GRIN2C: variants seen among roughly 807,000 people sequenced by gnomAD.
GRIN2C encodes the protein glutamate ionotropic receptor NMDA type subunit 2C, also known as glutamate receptor ionotropic, NMDA 2C.
In GRIN2C, 64 loss-of-function variants were observed where a neutral mutation model predicts 77.7. The ratio of observed to expected loss-of-function variants is 0.82; its 90% CI spans 0.67 to 1.01. The LOEUF (loss-of-function observed/expected upper bound fraction) is 1.01. Ranked by LOEUF, GRIN2C falls within the 50% of genes least tolerant of loss-of-function variation. The pLI is 0.00. For missense variants in GRIN2C, 1,549 were observed against 1,486.0 expected (o/e 1.04, Z -0.70); for synonymous variants, 792 against 643.4 (o/e 1.23, Z -3.49).
chr17:74,844,547 C>G (rs755661188), intron 11 of GRIN2C, 39 bp from the exon 12 acceptor site: 1 of 1,596,464 alleles, frequency 6.3e-7, no homozygotes, highest in East Asian at 2.2e-5. Flanking sequence ...TCAGGAAACC[C>G]CCCTATAAGC....
At chr17:74,854,534 A>G (rs1237592018) in intron 2 of GRIN2C, 160 bp downstream of exon 2, 19 of 610,062 alleles carry the variant, frequency 3.1e-5, no homozygotes, top group Non-Finnish European at 8.7e-6. Context: ...AGAACATGGG[A>G]TGTCATTCCC....
In GRIN2C at chr17:74,842,394, G is replaced by A; in HGVS notation, c.*41C>T. On this transcript the variant is annotated 3_prime_UTR_variant, in exon 13 of 13. Transcript: ENST00000293190. ...TGCCGCTTAACCCTGACAGTGGCAG[G>A]CAGAGAATCCAGCTGGCTCGGAGCC... 1 of 745,876 alleles carries A rather than the reference G, an allele frequency of 1.3e-6. No homozygotes were observed. The allele number at this position is 745,876 out of a possible 1,614,324, so 46.2% of individuals were successfully genotyped here. A position where few individuals can be genotyped will look rare whatever the true frequency, so the allele number is the denominator to read the frequency against.
At position 74,842,271 on chromosome 17, in the gene GRIN2C, G is replaced by A. The variant is rs879258210; in HGVS notation, c.*164C>T. 1.2e-5 allele frequency: 7 copies of A among 571,412 alleles called. No homozygotes were observed. In the Admixed American group the frequency reaches 2.3e-4, roughly 19 times the overall value. The allele number at this position is 571,412 out of a possible 1,614,324, so 35.4% of individuals were successfully genotyped here. On this transcript the variant is annotated 3_prime_UTR_variant, in exon 13 of 13. Coordinates refer to ENST00000293190, the MANE Select transcript of GRIN2C (RefSeq NM_000835.6). ...AAGCCCAGCCCTCACCATGATTTGA[G>A]GCTACTGAGGTCACTGATGACCATG... is the stretch of plus-strand genomic sequence containing the variant.
upstream of GRIN2C, chr17:74,860,420 G>A (rs1008556558): frequency 2.2e-6 from 1 of 456,618 alleles, no homozygotes; most frequent in African/African-American, 2.0e-5. Flanking sequence ...TGGGCATCAG[G>A]GCCTGGCGGG....
Position 74,850,647 on chromosome 17 carries a change from G to A in GRIN2C, c.1234C>T (p.Pro412Ser). The A allele has an allele frequency of 6.2e-7, 1 of 1,613,668 alleles. No homozygotes were observed. The highest frequency in any genetic ancestry group is 2.2e-5 in the East Asian group (1 of 44,878). ...TCAGGGCTCTCCACGATGACAAAGGGCCGCTCTTCCAGCGTGGCCACCGTC... is the reference window on the plus strand; with the variant it reads ...TCAGGGCTCTCCACGATGACAAAGGACCGCTCTTCCAGCGTGGCCACCGTC... ...HLTVATLEER[P>S]FVIVESPDPG... Residue 412 changes from proline (P) to serine (S), a missense_variant, in exon 5 of 13, where the codon CCC becomes TCC. By Grantham distance (74) the Pro-to-Ser change is moderately conservative. Around this residue, in one of 3 missense-constraint regions of GRIN2C, gnomAD observed 717 missense variants for 858.1 expected, o/e 0.84. Transcript: ENST00000293190. The surrounding 1 kb of genome is among the most constrained non-coding windows in gnomAD (Gnocchi z 5.3).
chr17:74,852,757 C>T, intron 2 of GRIN2C, 146 bp from the exon 3 acceptor site: 1 of 474,242 alleles, frequency 2.1e-6, no homozygotes, highest in South Asian at 4.1e-5. Flanking sequence ...CTGCGCCTCC[C>T]TCCCGCCCCA....
rs1019184604 is a variant in GRIN2C, at chr17:74,849,109, G to A, written c.1645+671C>T. ...CAATCCTGCCATGAGCACTTGCTATGCTATGAAGTGGTTTTTTTTTTCCTC... is the reference window on the plus strand; with the variant it reads ...CAATCCTGCCATGAGCACTTGCTATACTATGAAGTGGTTTTTTTTTTCCTC... On this transcript the variant is annotated intron_variant, in intron 7 of 12. Coordinates refer to ENST00000293190, the MANE Select transcript of GRIN2C (RefSeq NM_000835.6). The surrounding 1 kb of genome is among the most constrained non-coding windows in gnomAD (Gnocchi z 4.6). Among the ~76,000 whole-genome samples, 1 of 151,546 alleles carries A rather than the reference G, an allele frequency of 6.6e-6. No homozygotes were observed. The highest frequency in any genetic ancestry group is 2.4e-5 in the African/African-American group (1 of 41,300).
Position 74,855,108 on chromosome 17 carries a change from C to A in GRIN2C, c.-15-1G>T. ...CCCCACCCATGTCCACCGGAGGGTC[C>A]TGCGGAGAGACCAGAACAAGCACAG... On this transcript the variant is annotated splice_acceptor_variant, in intron 1 of 12. Transcript: ENST00000293190. LOFTEE classifies it low-confidence loss of function (5UTR_SPLICE). 1 of 1,557,672 alleles carries A rather than the reference C, an allele frequency of 6.4e-7. No homozygotes were observed. Among genetic ancestry groups the A allele is most frequent in the Non-Finnish European group, 8.6e-7 (1 of 1,158,650 alleles).
In GRIN2C at chr17:74,852,429, C is replaced by G; in HGVS notation, c.582G>C (p.Arg194=). Residue 194 remains arginine (R), a synonymous_variant, in exon 3 of 13, where the codon CGG becomes CGC. Transcript: ENST00000293190. ...GCTCCAGCGTGACCACGTCCAGCAGCCGCCAACTCACGTGGCTGGCGTCGG... is the reference window on the plus strand; with the variant it reads ...GCTCCAGCGTGACCACGTCCAGCAGGCGCCAACTCACGTGGCTGGCGTCGG... ...AVADASHVSW[R]LLDVVTLELG... is the part of the protein sequence containing the mutation. 1 of 1,525,282 alleles carries G rather than the reference C, an allele frequency of 6.6e-7. No individual in the cohort carries two copies. The allele number at this position is 1,525,282 out of a possible 1,614,324, so 94.5% of individuals were successfully genotyped here. A position where few individuals can be genotyped will look rare whatever the true frequency, so the allele number is the denominator to read the frequency against.
chr17:74,861,330 C>T (rs1276171847), upstream of GRIN2C: 2 of 152,202 alleles, frequency 1.3e-5, no homozygotes, highest in African/African-American at 4.8e-5. Context: ...CCCCGGGTGT[C>T]CCGCCTCTGT....
Position 74,847,696 on chromosome 17 carries a change from G to T in GRIN2C, c.1771+156C>A, listed in dbSNP as rs1486515635. ...CCAGGTGAAGTGAGCTCACGTGTGT[G>T]TTTCTGTGTGTGTGTGTCATCTGAC... is the stretch of plus-strand genomic sequence containing the variant. On this transcript the variant is annotated intron_variant, in intron 8 of 12. Transcript: ENST00000293190. The surrounding 1 kb of genome is among the most constrained non-coding windows in gnomAD (Gnocchi z 5.2). Among the ~76,000 whole-genome samples the T allele has an allele frequency of 1.4e-4, 22 of 152,204 alleles. No individual in the cohort carries two copies. The highest frequency in any genetic ancestry group is 5.1e-4 in the African/African-American group (21 of 41,544).
Position 74,854,873 on chromosome 17 carries a change from GGTTGGTGGT to G in GRIN2C, c.211_219del (p.Thr71_Asn73del), listed in dbSNP as rs1246176669. The G allele has an allele frequency of 6.2e-7, 1 of 1,613,564 alleles. No homozygotes were observed. Among genetic ancestry groups the G allele is most frequent in the Non-Finnish European group, 8.5e-7 (1 of 1,179,606 alleles). The stretch of plus-strand genomic sequence containing the variant: ...CAGATCTGGGTGAGGAGGCTGCTGG[GGTTGGTGGT>G]GTTGACCCCAACTGTGAGCGGCTGG... On this transcript the variant is annotated inframe_deletion, in exon 2 of 13. Coordinates refer to ENST00000293190, the MANE Select transcript of GRIN2C (RefSeq NM_000835.6).
intron 11 of GRIN2C, among the ~76,000 whole-genome samples, chr17:74,845,760 G>T (rs1487932047): frequency 2.0e-5 from 3 of 152,078 alleles, no homozygotes; most frequent in Non-Finnish European, 4.4e-5. Context: ...GGGGTCTTAG[G>T]GAAGAAGAAA....
rs1339255447 is a variant in GRIN2C at position 74,854,937 on chromosome 17, G to A, written c.156C>T (p.Pro52=). 3.1e-6 allele frequency: 5 copies of A among 1,613,464 alleles called. No homozygotes were observed. In the African/African-American group the frequency reaches 6.7e-5, roughly 22 times the overall value. Reference sequence around the variant, plus strand: ...CCAGGGGTAGGTCCAGGAAGCTCTGGGGGGTGAGGCGGGCACGGAACTGGG... The same window carrying A: ...CCAGGGGTAGGTCCAGGAAGCTCTGAGGGGTGAGGCGGGCACGGAACTGGG... ...PQAQFRARLT[P]QSFLDLPLEI... is the part of the protein sequence containing the mutation. The change falls in exon 2 of 13, where the codon CCC becomes CCT. Residue 52 remains proline, a synonymous_variant. Transcript: ENST00000293190.
In GRIN2C at chr17:74,850,649, C is replaced by T. The variant is rs781227616; in HGVS notation, c.1232G>A (p.Arg411Gln). Reference protein sequence around the residue: ...RHLTVATLEERPFVIVESPDP... With the variant: ...RHLTVATLEEQPFVIVESPDP... ...AGGGCTCTCCACGATGACAAAGGGC[C>T]GCTCTTCCAGCGTGGCCACCGTCAG... is the stretch of plus-strand genomic sequence containing the variant. The change falls in exon 5 of 13, where the codon CGG becomes CAG. Residue 411 changes from arginine to glutamine, a missense_variant. By Grantham distance (43) the Arg-to-Gln change is conservative. Coordinates refer to ENST00000293190, the MANE Select transcript of GRIN2C (RefSeq NM_000835.6). The surrounding 1 kb of genome is among the most constrained non-coding windows in gnomAD (Gnocchi z 5.3). 19 of 1,613,580 alleles carry T rather than the reference C, an allele frequency of 1.2e-5. No individual in the cohort carries two copies. Among genetic ancestry groups the T allele is most frequent in the Non-Finnish European group, 1.5e-5 (18 of 1,180,030 alleles).
chr17:74,850,351 T>A lies in GRIN2C; in HGVS notation c.1346A>T (p.Tyr449Phe), dbSNP rs2037598275. 6.2e-7 allele frequency: 1 copy of A among 1,612,878 alleles called. No homozygotes were observed. The change falls in exon 6 of 13, where the codon TAC becomes TTC. Residue 449 changes from tyrosine to phenylalanine, a missense_variant. Around this residue, in one of 3 missense-constraint regions of GRIN2C, gnomAD observed 717 missense variants for 858.1 expected, o/e 0.84. Coordinates refer to ENST00000293190, the MANE Select transcript of GRIN2C (RefSeq NM_000835.6). The surrounding 1 kb of genome is among the most constrained non-coding windows in gnomAD (Gnocchi z 5.3). ...GAATCCCTTACAGCAGAGCTTGGTG[T>A]AGGGGGCCACGTCCCCGCTGCTGCA... ...HTFSSGDVAP[Y>F]TKLCCKGFCI...
Position 74,842,742 on chromosome 17 carries a change from C to T in GRIN2C, c.3395G>A (p.Cys1132Tyr), listed in dbSNP as rs1387285254. 9 of 702,324 alleles carry T rather than the reference C, an allele frequency of 1.3e-5. 1 individual carries two copies. In the Admixed American group the frequency reaches 1.8e-4, roughly 14 times the overall value. 43.5% of individuals were successfully genotyped at this position (702,324 alleles called of 1,614,324 possible). A position where few individuals can be genotyped will look rare whatever the true frequency, so the allele number is the denominator to read the frequency against. ...SMCLPIYREACQEGEQAGAPA... is the reference protein window; with the variant it reads ...SMCLPIYREAYQEGEQAGAPA... ...GGCCCCTGCCTGCTCGCCCTCCTGGCAGGCCTCCCGGTAGATCGGCAAGCA... is the reference window on the plus strand; with the variant it reads ...GGCCCCTGCCTGCTCGCCCTCCTGGTAGGCCTCCCGGTAGATCGGCAAGCA... The change falls in exon 13 of 13, where the codon TGC (cysteine) becomes TAC (tyrosine). Residue 1132 changes from cysteine (C) to tyrosine (Y), a missense_variant. Around this residue, in one of 3 missense-constraint regions of GRIN2C, gnomAD observed 450 missense variants for 267.9 expected, o/e 1.68. Transcript: ENST00000293190.
Position 74,850,577 on chromosome 17 carries a change from C to A in GRIN2C, c.1304G>T (p.Arg435Met), listed in dbSNP as rs1352509679. The A allele has an allele frequency of 4.3e-6, 7 of 1,613,562 alleles. No homozygotes were observed. In the South Asian group the frequency reaches 6.6e-5, roughly 15 times the overall value. Residue 435 changes from arginine to methionine, a missense_variant, in exon 5 of 13, where the codon AGG becomes ATG. Around this residue, in one of 3 missense-constraint regions of GRIN2C, gnomAD observed 717 missense variants for 858.1 expected, o/e 0.84. Transcript: ENST00000293190. The surrounding 1 kb of genome is among the most constrained non-coding windows in gnomAD (Gnocchi z 5.3). ...AGACCTGAAGGTGTGGTTGCTCTGC[C>A]TGCGGCAGGGCACGGTGTTGGGGAC... ...GCVPNTVPCRRQSNHTFSSGD... is the reference protein window; with the variant it reads ...GCVPNTVPCRMQSNHTFSSGD...
chr17:74,855,167 G>A, intron 1 of GRIN2C, 60 bp from the exon 2 acceptor site: 1 of 1,359,676 alleles, frequency 7.4e-7, no homozygotes, highest in South Asian at 1.5e-5. Context: ...GAGGCAGATG[G>A]ACAGACAGGA....
Sources: gnomAD v4.1 joint callset for allele counts (sites outside exome capture counted in the v4.1 genomes callset) on GRCh38, gnomAD v4.1.1 for gene constraint, gnomAD v4.1.1 regional missense constraint, Gnocchi (gnomAD v3.1) non-coding constraint, MANE v1.5 for transcripts, NCBI Gene and HGNC (gene_info 2026-07-23, HGNC 2026-07-21) for gene names.